The following REEP3 variants were observed in gnomAD, a reference collection of about 807,000 sequenced individuals.
REEP3 encodes receptor expression-enhancing protein 3.
Under a neutral mutation model 41.3 loss-of-function variants are expected in REEP3, and 20 were observed. The observed-to-expected ratio is 0.48, with a 90% CI of 0.34 to 0.70. The LOEUF is 0.70. REEP3 is among the 30% of genes least tolerant of loss of function. REEP3 has a pLI of 0.01. For missense variants in REEP3, 271 were observed against 308.8 expected (o/e 0.88, Z 0.92); for synonymous variants, 104 against 101.8 (o/e 1.02, Z -0.13).
chr10:63,602,145 G>GA (rs1015852775), intron 5 of REEP3, among the ~76,000 whole-genome samples: 1 of 151,862 alleles, frequency 6.6e-6, no homozygotes, highest in African/African-American at 2.4e-5. Flanking sequence ...TAACTCTGGG[G>GA]AAAAAAGTTA....
intron 5 of REEP3, among the ~76,000 whole-genome samples, chr10:63,603,338 C>T (rs1157683669): frequency 6.7e-6 from 1 of 148,528 alleles, no homozygotes; most frequent in East Asian, 2.0e-4. Flanking sequence ...AAAAAAAGAC[C>T]CCACCCATTA....
intron 1 of REEP3, among the ~76,000 whole-genome samples, chr10:63,554,446 C>T (rs1156254042): frequency 3.3e-5 from 5 of 152,066 alleles, no homozygotes; most frequent in African/African-American, 7.2e-5. Flanking sequence ...TTGACATCAT[C>T]GAACTGTTAA....
intron 1 of REEP3, among the ~76,000 whole-genome samples, chr10:63,528,887 C>T (rs1955392367): frequency 6.6e-6 from 1 of 152,216 alleles, no homozygotes; most frequent in African/African-American, 2.4e-5. Context: ...CTCCTGCTTT[C>T]CTTCCCCGCT....
chr10:63,543,704 C>T (rs781703556), intron 1 of REEP3, among the ~76,000 whole-genome samples: 38 of 152,048 alleles, frequency 2.5e-4, no homozygotes, highest in South Asian at 4.1e-4. Context: ...ATACCTACTA[C>T]GTATCAGGCC....
At chr10:63,618,887 C>CCTGA (rs1956332236) in intron 6 of REEP3, among the ~76,000 whole-genome samples, 1 of 152,252 alleles carries the variant, frequency 6.6e-6, no homozygotes, top group African/African-American at 2.4e-5. Flanking sequence ...TCTCAGACTT[C>CCTGA]CTGACTGTGT....
intron 6 of REEP3, among the ~76,000 whole-genome samples, chr10:63,617,769 A>T (rs1232796636): frequency 7.2e-6 from 1 of 138,074 alleles, no homozygotes; most frequent in Admixed American, 7.4e-5. Flanking sequence ...ACATGCACGG[A>T]ATCTATCCCG....
rs200849735 is a variant in REEP3, at chr10:63,615,548, C to CT, written c.566-4092dup. Among the ~76,000 whole-genome samples, 778 of 142,676 alleles carry CT rather than the reference C, an allele frequency of 5.5e-3. 3 individuals are homozygous for CT. The highest frequency in any genetic ancestry group is 0.015 in the African/African-American group (601 of 38,968). The allele number at this position is 142,676 out of a possible 152,430, so 93.6% of individuals were successfully genotyped here. ...TGGTTTAATAAATTGCTAAATTAAA[C>CT]TTTTTTTTTTTTTTTGAGGTGGAGT... is the stretch of plus-strand genomic sequence containing the variant. On this transcript the variant is annotated intron_variant, in intron 6 of 7. Transcript: ENST00000373758.
chr10:63,597,808 G>A (rs1328179147), intron 3 of REEP3, among the ~76,000 whole-genome samples: 1 of 151,902 alleles, frequency 6.6e-6, no homozygotes, highest in Non-Finnish European at 1.5e-5. Flanking sequence ...AACTACTGGG[G>A]AGGCTGAGGC....
chr10:63,521,523 G>T lies in REEP3; in HGVS notation c.-23G>T, dbSNP rs1242510178. 1.4e-6 allele frequency: 2 copies of T among 1,413,044 alleles called. No individual in the cohort carries two copies. Among genetic ancestry groups the T allele is most frequent in the Non-Finnish European group, 1.9e-6 (2 of 1,071,380 alleles). 87.5% of individuals were successfully genotyped at this position (1,413,044 alleles called of 1,614,324 possible). On this transcript the variant is annotated 5_prime_UTR_variant, in exon 1 of 8. Coordinates refer to ENST00000373758, the MANE Select transcript of REEP3 (RefSeq NM_001001330.3). ...CGCCCTGCGCCCACCCGCCCCGGAC[G>T]TGGGGCCCAAGCCCCCGTGAAGATG...
At chr10:63,562,453 C>T (rs1019401794) in intron 1 of REEP3, 8 of 421,754 alleles carry the variant, frequency 1.9e-5, no homozygotes, top group African/African-American at 1.6e-4. Flanking sequence ...GACAGGGTTT[C>T]CCCACGTTGG....
chr10:63,552,352 A>C (rs997259774), intron 1 of REEP3, among the ~76,000 whole-genome samples: 1 of 152,326 alleles, frequency 6.6e-6, no homozygotes, highest in South Asian at 2.1e-4. Context: ...CGGAGCCTGC[A>C]GTGAGCCGAG....
At chr10:63,608,867 A>T (rs988235037) in intron 5 of REEP3, among the ~76,000 whole-genome samples, 1 of 152,222 alleles carries the variant, frequency 6.6e-6, no homozygotes, top group Admixed American at 6.5e-5. Flanking sequence ...TGAACATTTG[A>T]AAAGTGGCTA....
At chr10:63,620,342 A>AT (rs1271949345) in intron 7 of REEP3, among the ~76,000 whole-genome samples, 5 of 152,248 alleles carry the variant, frequency 3.3e-5, no homozygotes, top group Admixed American at 1.3e-4. Flanking sequence ...TGGCATTCTC[A>AT]TTTAGCAAAT....
Position 63,589,752 on chromosome 10 carries a change from A to G in REEP3, c.106-5026A>G, listed in dbSNP as rs189315117. Among the ~76,000 whole-genome samples, 152 of 143,484 alleles carry G rather than the reference A, an allele frequency of 1.1e-3. 1 individual carries two copies. Among genetic ancestry groups the G allele is most frequent in the African/African-American group, 3.8e-3 (151 of 39,656 alleles). The allele number at this position is 143,484 out of a possible 152,430, so 94.1% of individuals were successfully genotyped here. On this transcript the variant is annotated intron_variant, in intron 2 of 7. Transcript: ENST00000373758. ...GGGATTTTGACCCATACTGGGAGCT[A>G]GGACGTCTAATGTACTAAGAACAGC...
intron 1 of REEP3, among the ~76,000 whole-genome samples, chr10:63,533,708 A>ATTTTTTTTTTTTTTT (rs1464023228): frequency 1.1e-5 from 1 of 93,918 alleles, no homozygotes; most frequent in Non-Finnish European, 2.5e-5. Context: ...AAGTATGTAA[A>ATTTTTTTTTTTTTTT]TCTTTTTTTT....
chr10:63,570,108 A>T (rs1955839587), intron 2 of REEP3, among the ~76,000 whole-genome samples: 1 of 152,186 alleles, frequency 6.6e-6, no homozygotes, highest in Non-Finnish European at 1.5e-5. Context: ...CCCTGATACA[A>T]CACTCAGATT....
At position 63,623,357 on chromosome 10, in the gene REEP3, G is replaced by A. The variant is rs186017929; in HGVS notation, c.*2488G>A. The stretch of plus-strand genomic sequence containing the variant: ...GCCTGTACATTTTTGTTTCTTTTAA[G>A]GTAGAACAGATCTTTTTTTGTTTCT... On this transcript the variant is annotated 3_prime_UTR_variant, in exon 8 of 8. Coordinates refer to ENST00000373758, the MANE Select transcript of REEP3 (RefSeq NM_001001330.3). 2 of 152,094 alleles carry A rather than the reference G, an allele frequency of 1.3e-5. No homozygotes were observed. The allele number at this position is 152,094 out of a possible 1,614,324, so 9.4% of individuals were successfully genotyped here.
chr10:63,525,608 G>A (rs1045151918), intron 1 of REEP3, among the ~76,000 whole-genome samples: 8 of 152,016 alleles, frequency 5.3e-5, no homozygotes, highest in South Asian at 2.1e-4. Context: ...TAGTAGAGAC[G>A]GGGTTTCACC....
chr10:63,524,438 CT>C (rs1028959261), intron 1 of REEP3, among the ~76,000 whole-genome samples: 1 of 149,522 alleles, frequency 6.7e-6, no homozygotes, highest in South Asian at 2.1e-4. Context: ...GGACACCACT[CT>C]TTTTTTTTTC....
Sources: allele counts gnomAD v4.1 joint callset (sites outside exome capture counted in the v4.1 genomes callset), GRCh38; gene constraint gnomAD v4.1.1; transcripts MANE v1.5; gene names NCBI Gene and HGNC (gene_info 2026-07-23, HGNC 2026-07-21).